Variants in KLHL29 observed in about 807,000 individuals in gnomAD.
KLHL29 encodes the protein kelch-like protein 29.
Under a neutral mutation model 80.4 loss-of-function variants are expected in KLHL29, and 21 were observed. The ratio of observed to expected loss-of-function variants is 0.26; its 90% CI spans 0.19 to 0.38. The LOEUF (loss-of-function observed/expected upper bound fraction) is 0.38. Among genes scored for constraint, KLHL29 ranks in the 10% least tolerant of loss-of-function variants. The probability of loss-of-function intolerance (pLI) is 1.00; values close to 1 mark genes in which losing one functional copy is unlikely to be tolerated. For synonymous variants in KLHL29, 511 were observed against 526.8 expected, an observed-to-expected ratio of 0.97 and a Z score of 0.41; for missense variants, 867 against 1,223.9, an observed-to-expected ratio of 0.71 and a Z score of 4.35.
At position 23,480,799 on chromosome 2, in the gene KLHL29, C is replaced by T. The variant is rs561895140; in HGVS notation, c.-46+5132C>T. On this transcript the variant is annotated intron_variant, in intron 2 of 13. Transcript: ENST00000486442. ...GTACTATGTTCATCTTGCGCCACCC[C>T]ACATGAACTCTACGGGCTGTTAGAA... Among the ~76,000 whole-genome samples the T allele has an allele frequency of 9.8e-5, 15 of 152,314 alleles. No homozygotes were observed. The East Asian group carries it at 1.2e-3, about 12-fold the overall frequency.
intron 3 of KLHL29, among the ~76,000 whole-genome samples, chr2:23,609,863 T>A (rs1345450831): frequency 1.3e-5 from 2 of 152,140 alleles, no homozygotes; most frequent in African/African-American, 4.8e-5. Flanking sequence ...CTAATCTAAG[T>A]AGCAAATGGG....
chr2:23,527,930 G>GC (rs1666375500), intron 2 of KLHL29, among the ~76,000 whole-genome samples: 1 of 152,120 alleles, frequency 6.6e-6, no homozygotes. Flanking sequence ...AAGGTGCAAG[G>GC]CCCCCAGGCT....
rs1348628415 is a variant in KLHL29 at position 23,532,514 on chromosome 2, A to G, written c.-45-29638A>G. ...GCTAGTGGAGCTTTGTGGGATGTGC[A>G]TCGCCAAGGTTAGACTTTTTCTTGC... On this transcript the variant is annotated intron_variant, in intron 2 of 13. Transcript: ENST00000486442. The G allele has an allele frequency of 8.8e-6, 4 of 454,330 alleles. No individual in the cohort carries two copies. The East Asian group carries it at 2.1e-4, about 24-fold the overall frequency. The allele number at this position is 454,330 out of a possible 1,614,324, so 28.1% of individuals were successfully genotyped here.
intron 2 of KLHL29, among the ~76,000 whole-genome samples, chr2:23,517,796 T>C (rs1297044449): frequency 6.6e-6 from 1 of 152,244 alleles, no homozygotes; most frequent in Non-Finnish European, 1.5e-5. Context: ...GAAAACTGGC[T>C]GGGCCCATTC....
chr2:23,451,195 C>T (rs185273329), intron 1 of KLHL29, among the ~76,000 whole-genome samples: 3 of 152,316 alleles, frequency 2.0e-5, no homozygotes, highest in Admixed American at 2.0e-4. Context: ...AGTGACTTAA[C>T]CTCTCTGTGT....
chr2:23,532,474 G>A (rs919297449), intron 2 of KLHL29: 11 of 431,234 alleles, frequency 2.6e-5, no homozygotes, highest in Non-Finnish European at 4.7e-5. Flanking sequence ...CACCCAGGGC[G>A]GCACCCAGGC....
At chr2:23,625,309 T>G (rs963469693) in intron 3 of KLHL29, among the ~76,000 whole-genome samples, 1 of 152,256 alleles carries the variant, frequency 6.6e-6, no homozygotes, top group Non-Finnish European at 1.5e-5. Flanking sequence ...TCTGCATATT[T>G]AAATGCTTTT....
intron 1 of KLHL29, among the ~76,000 whole-genome samples, chr2:23,432,572 C>T (rs1280899726): frequency 3.9e-5 from 6 of 152,210 alleles, no homozygotes; most frequent in Admixed American, 6.5e-5. Flanking sequence ...ATTTAAAAGA[C>T]CATTGCAGAT....
chr2:23,456,500 A>G (rs533788313), intron 1 of KLHL29, among the ~76,000 whole-genome samples: 2 of 152,360 alleles, frequency 1.3e-5, no homozygotes, highest in Non-Finnish European at 2.9e-5. Context: ...GGATCTTCAC[A>G]AAATATCCGA....
chr2:23,472,669 A>C (rs1367710654), intron 1 of KLHL29, among the ~76,000 whole-genome samples: 6 of 152,096 alleles, frequency 3.9e-5, no homozygotes, highest in Non-Finnish European at 7.4e-5. Context: ...CTTGATAAAT[A>C]TGACCATTAT....
intron 3 of KLHL29, among the ~76,000 whole-genome samples, chr2:23,637,916 C>A (rs542129990): frequency 6.6e-6 from 1 of 152,104 alleles, no homozygotes; most frequent in Non-Finnish European, 1.5e-5. Flanking sequence ...GTATCCACCC[C>A]TCATCCCACA....
intron 3 of KLHL29, among the ~76,000 whole-genome samples, chr2:23,637,731 C>T (rs1669653880): frequency 6.6e-6 from 1 of 152,124 alleles, no homozygotes; most frequent in Non-Finnish European, 1.5e-5. Flanking sequence ...GGCACAGAAC[C>T]CAGGAGAGCC....
intron 2 of KLHL29, among the ~76,000 whole-genome samples, chr2:23,511,613 C>T (rs975103309): frequency 3.9e-5 from 6 of 152,308 alleles, no homozygotes; most frequent in South Asian, 2.1e-4. Context: ...CTTATCTCAG[C>T]GTTGAGAGTA....
chr2:23,582,348 A>C (rs1019882012), intron 3 of KLHL29, among the ~76,000 whole-genome samples: 1 of 152,252 alleles, frequency 6.6e-6, no homozygotes, highest in Admixed American at 6.5e-5. Flanking sequence ...CAGATTGGCT[A>C]TTAAAGCGTC....
chr2:23,444,793 C>T (rs1387759387), intron 1 of KLHL29, among the ~76,000 whole-genome samples: 1 of 151,950 alleles, frequency 6.6e-6, no homozygotes, highest in East Asian at 1.9e-4. Context: ...AGAATATATC[C>T]CGTTACAGAT....
At chr2:23,511,514 G>A (rs529808434) in intron 2 of KLHL29, among the ~76,000 whole-genome samples, 106 of 152,322 alleles carry the variant, frequency 7.0e-4, no homozygotes, top group African/African-American at 2.3e-3. Flanking sequence ...TGTTTCTCAC[G>A]TCTTCCTCTG....
rs1672817713 is a variant in KLHL29, at chr2:23,707,732, A to C, written c.*1068A>C. 6.6e-6 allele frequency: 1 copy of C among 152,382 alleles called. No homozygotes were observed. Among genetic ancestry groups the C allele is most frequent in the South Asian group, 2.1e-4 (1 of 4,834 alleles). The allele number at this position is 152,382 out of a possible 1,614,324, so 9.4% of individuals were successfully genotyped here. A position where few individuals can be genotyped will look rare whatever the true frequency, so the allele number is the denominator to read the frequency against. Reference sequence around the variant, plus strand: ...GGGAGAATTAGCGTCTATAAAGCACAGGAGACTATTTTTGATATTCATAGC... The same window carrying C: ...GGGAGAATTAGCGTCTATAAAGCACCGGAGACTATTTTTGATATTCATAGC... On this transcript the variant is annotated 3_prime_UTR_variant, in exon 14 of 14. Coordinates refer to ENST00000486442, the MANE Select transcript of KLHL29 (RefSeq NM_052920.2).
intron 1 of KLHL29, among the ~76,000 whole-genome samples, chr2:23,472,651 A>AACAAC (rs1664526682): frequency 6.6e-6 from 1 of 151,990 alleles, no homozygotes; most frequent in East Asian, 1.9e-4. Flanking sequence ...AACAAAACAA[A>AACAAC]ACAAAACCTT....
chr2:23,639,935 A>G (rs1669720196), intron 4 of KLHL29, among the ~76,000 whole-genome samples: 1 of 152,044 alleles, frequency 6.6e-6, no homozygotes, highest in Non-Finnish European at 1.5e-5. Context: ...TTTGCCTTCC[A>G]AGGCTTTGCT....
Sources: gnomAD v4.1 joint callset for allele counts (sites outside exome capture counted in the v4.1 genomes callset) on GRCh38, gnomAD v4.1.1 for gene constraint, MANE v1.5 for transcripts, NCBI Gene and HGNC (gene_info 2026-07-23, HGNC 2026-07-21) for gene names.